Variants in DCTN5 observed in about 807,000 individuals in gnomAD.
DCTN5 encodes the protein dynactin 4.
Under a neutral mutation model 23.5 loss-of-function variants are expected in DCTN5, and 14 were observed. The ratio of observed to expected loss-of-function variants is 0.60; its 90% CI spans 0.39 to 0.93. DCTN5 has a LOEUF of 0.93. Among genes scored for constraint, DCTN5 ranks in the 40% least tolerant of loss-of-function variants. The pLI, the probability that DCTN5 is intolerant of heterozygous loss-of-function variation, is 0.00. For synonymous variants in DCTN5, 67 were observed against 79.6 expected, an observed-to-expected ratio of 0.84 and a Z score of 0.84; for missense variants, 156 against 225.9, an observed-to-expected ratio of 0.69 and a Z score of 1.98.
intron 2 of DCTN5, among the ~76,000 whole-genome samples, chr16:23,657,893 C>T (rs549838287): frequency 1.3e-5 from 2 of 152,332 alleles, no homozygotes; most frequent in South Asian, 4.1e-4. Context: ...AGCATATGCA[C>T]TTTTTAACCC....
chr16:23,644,294 ATT>A (rs534821955), intron 2 of DCTN5, among the ~76,000 whole-genome samples: 138 of 97,298 alleles, frequency 1.4e-3, no homozygotes, highest in Middle Eastern at 6.1e-3. Flanking sequence ...TGCCCACCTA[ATT>A]TTTTTTTTTT....
intron 2 of DCTN5, among the ~76,000 whole-genome samples, chr16:23,645,130 T>C (rs1465810474): frequency 2.7e-5 from 1 of 37,052 alleles, no homozygotes; most frequent in African/African-American, 1.2e-4. Flanking sequence ...TATATATATA[T>C]ATATATATTT....
rs753708515 is a variant in DCTN5 at position 23,661,203 on chromosome 16, T to C, written c.270T>C (p.His90=). 4.3e-6 allele frequency: 7 copies of C among 1,613,024 alleles called. No individual in the cohort carries two copies. In the Admixed American group the frequency reaches 1.2e-4, roughly 27 times the overall value. ...TCTTTCCTTTACATATTGGAGACCA[T>C]GTCTTTATTGAGGAAGATTGTGTGG... is the stretch of plus-strand genomic sequence containing the variant. ...VAFFPLHIGD[H]VFIEEDCVVN... The change falls in exon 4 of 6, where the codon CAT becomes CAC. Residue 90 remains histidine (H), a synonymous_variant. Coordinates refer to ENST00000300087, the MANE Select transcript of DCTN5 (RefSeq NM_032486.4).
Position 23,674,211 on chromosome 16 carries a change from A to G in DCTN5, c.*7067A>G, listed in dbSNP as rs1371037808. The G allele has an allele frequency of 6.6e-6, 1 of 152,192 alleles. No homozygotes were observed. Among genetic ancestry groups the G allele is most frequent in the Non-Finnish European group, 1.5e-5 (1 of 68,042 alleles). 9.4% of individuals were successfully genotyped at this position (152,192 alleles called of 1,614,324 possible). A position where few individuals can be genotyped will look rare whatever the true frequency, so the allele number is the denominator to read the frequency against. On this transcript the variant is annotated 3_prime_UTR_variant, in exon 6 of 6. Coordinates refer to ENST00000300087, the MANE Select transcript of DCTN5 (RefSeq NM_032486.4). Reference sequence around the variant, plus strand: ...CACAGGCTCAATGACCAGGACTCAGACGTTGGGGCCGTTGGAGATTAAGGA... The same window carrying G: ...CACAGGCTCAATGACCAGGACTCAGGCGTTGGGGCCGTTGGAGATTAAGGA...
chr16:23,645,083 C>CTATATATATA (rs869302728), intron 2 of DCTN5, among the ~76,000 whole-genome samples: 2 of 33,118 alleles, frequency 6.0e-5, no homozygotes, highest in African/African-American at 1.2e-4. Context: ...CCCAGCCTAA[C>CTATATATATA]TATATATATA....
chr16:23,642,006 A>T (rs1360741946), intron 1 of DCTN5, among the ~76,000 whole-genome samples: 1 of 152,036 alleles, frequency 6.6e-6, no homozygotes, highest in Non-Finnish European at 1.5e-5. Flanking sequence ...ATCTCTGCTC[A>T]CTGCAACCTC....
chr16:23,650,305 T>C (rs1294954908), intron 2 of DCTN5, among the ~76,000 whole-genome samples: 5 of 152,010 alleles, frequency 3.3e-5, no homozygotes, highest in African/African-American at 1.2e-4. Flanking sequence ...ATTTCTAAGA[T>C]TCATTGTGGT....
At chr16:23,662,351 A>G (rs961287947) in intron 4 of DCTN5, among the ~76,000 whole-genome samples, 1 of 152,100 alleles carries the variant, frequency 6.6e-6, no homozygotes, top group African/African-American at 2.4e-5. Context: ...AATCTGTAGG[A>G]CCCTGGTCCA....
chr16:23,653,208 T>C (rs1967637515), intron 2 of DCTN5, among the ~76,000 whole-genome samples: 1 of 152,220 alleles, frequency 6.6e-6, no homozygotes, highest in Non-Finnish European at 1.5e-5. Flanking sequence ...TTTGTCTTTA[T>C]GCTAGAAACA....
intron 1 of DCTN5, chr16:23,642,708 A>C (rs1446666976): frequency 2.2e-6 from 1 of 456,674 alleles, no homozygotes; most frequent in Non-Finnish European, 4.0e-6. Flanking sequence ...GCTGGTCTTG[A>C]GCTCCTGTCC....
At chr16:23,645,153 A>ATTTTT (rs1967429608) in intron 2 of DCTN5, among the ~76,000 whole-genome samples, 1 of 39,394 alleles carries the variant, frequency 2.5e-5, no homozygotes, top group Non-Finnish European at 5.1e-5. Context: ...TTTTTTTTTA[A>ATTTTT]TACGCAGTTT....
intron 2 of DCTN5, among the ~76,000 whole-genome samples, chr16:23,657,094 A>C (rs1967718783): frequency 6.6e-6 from 1 of 152,184 alleles, no homozygotes; most frequent in Non-Finnish European, 1.5e-5. Context: ...TCCTCCATGC[A>C]GATGCCAGGG....
chr16:23,651,008 A>G, intron 2 of DCTN5: 1 of 1,410,192 alleles, frequency 7.1e-7, no homozygotes, highest in Non-Finnish European at 9.2e-7. Flanking sequence ...CTCACTTTTT[A>G]AAATGCAAGA....
chr16:23,646,566 TTTGAG>T (rs1272481516), intron 2 of DCTN5, among the ~76,000 whole-genome samples: 1 of 151,998 alleles, frequency 6.6e-6, no homozygotes, highest in African/African-American at 2.4e-5. Flanking sequence ...ATTGATCCAT[TTTGAG>T]TTAATTTTTT....
At position 23,641,918 on chromosome 16, in the gene DCTN5, A is replaced by C. The variant is rs370062717; in HGVS notation, c.48+328A>C. On this transcript the variant is annotated intron_variant, in intron 1 of 5. Transcript: ENST00000300087. Reference sequence around the variant, plus strand: ...TTGTATCTGTTAACTTGCGCTAAAAACGATTCGGTTCTTTTTTTTTGAGGA... The same window carrying C: ...TTGTATCTGTTAACTTGCGCTAAAACCGATTCGGTTCTTTTTTTTTGAGGA... 7.9e-5 allele frequency among the ~76,000 whole-genome samples: 12 copies of C among 151,670 alleles called. 1 individual carries two copies. The highest frequency in any genetic ancestry group is 2.9e-4 in the African/African-American group (12 of 41,324).
At chr16:23,655,735 G>C (rs1351944187) in intron 2 of DCTN5, among the ~76,000 whole-genome samples, 2 of 152,046 alleles carry the variant, frequency 1.3e-5, no homozygotes, top group East Asian at 3.8e-4. Flanking sequence ...TGCAAAGATA[G>C]GGTTTTGCCA....
intron 2 of DCTN5, among the ~76,000 whole-genome samples, chr16:23,644,558 C>T (rs776721633): frequency 4.6e-5 from 7 of 151,596 alleles, no homozygotes; most frequent in East Asian, 4.0e-4. Flanking sequence ...CCTTGTCCTC[C>T]GAAAGTGCTG....
intron 2 of DCTN5, among the ~76,000 whole-genome samples, chr16:23,645,686 G>A (rs1352708589): frequency 6.6e-6 from 1 of 152,142 alleles, no homozygotes; most frequent in Non-Finnish European, 1.5e-5. Flanking sequence ...ATTTCACTTA[G>A]TGTAAGGTTT....
At chr16:23,646,631 C>T (rs1344946768) in intron 2 of DCTN5, among the ~76,000 whole-genome samples, 1 of 151,892 alleles carries the variant, frequency 6.6e-6, no homozygotes, top group African/African-American at 2.4e-5. Flanking sequence ...GGCTGGAGTG[C>T]AGTGGTGCAA....
Sources: gnomAD v4.1 joint callset for allele counts (sites outside exome capture counted in the v4.1 genomes callset) on GRCh38, gnomAD v4.1.1 for gene constraint, MANE v1.5 for transcripts, NCBI Gene and HGNC (gene_info 2026-07-23, HGNC 2026-07-21) for gene names.